Variants in CSMD3 observed in about 807,000 individuals in gnomAD.
CSMD3 encodes the protein CUB and Sushi multiple domains 3, also known as CUB and sushi domain-containing protein 3.
A neutral mutation model predicts 435.2 loss-of-function variants in CSMD3; 177 were observed. That is an observed-to-expected ratio of 0.41 (90% CI 0.36 to 0.46). The LOEUF (loss-of-function observed/expected upper bound fraction) is 0.46. Ranked by LOEUF, CSMD3 falls within the 20% of genes least tolerant of loss-of-function variation. The pLI is 0.34. For synonymous variants in CSMD3, 1,656 were observed against 1,520.5 expected, an observed-to-expected ratio of 1.09 and a Z score of -2.07; for missense variants, 4,265 against 4,504.6, an observed-to-expected ratio of 0.95 and a Z score of 1.52.
At chr8:113,220,119 C>CT (rs1269390968) in intron 3 of CSMD3, among the ~76,000 whole-genome samples, 1 of 151,404 alleles carries the variant, frequency 6.6e-6, no homozygotes. Context: ...ATAAAATACT[C>CT]TGTTAGTGAG....
intron 30 of CSMD3, among the ~76,000 whole-genome samples, chr8:112,497,150 A>T (rs1055316756): frequency 7.2e-5 from 11 of 152,138 alleles, no homozygotes; most frequent in African/African-American, 2.6e-4. Flanking sequence ...TTTGTGGGAG[A>T]TAAAAATTGA....
intron 3 of CSMD3, among the ~76,000 whole-genome samples, chr8:113,192,318 T>G (rs920745158): frequency 6.6e-6 from 1 of 151,752 alleles, no homozygotes; most frequent in African/African-American, 2.4e-5. Context: ...AGTTGTTGTT[T>G]TTTTTATATT....
intron 6 of CSMD3, among the ~76,000 whole-genome samples, chr8:112,976,913 ATTGG>A (rs2084870311): frequency 6.6e-6 from 1 of 151,738 alleles, no homozygotes; most frequent in Non-Finnish European, 1.5e-5. Flanking sequence ...AGTTTTAACA[ATTGG>A]TTGGGAATTT....
intron 22 of CSMD3, among the ~76,000 whole-genome samples, chr8:112,603,195 T>A (rs1032150744): frequency 5.9e-5 from 9 of 152,254 alleles, no homozygotes; most frequent in African/African-American, 2.2e-4. Flanking sequence ...CATTTTTTCT[T>A]GTAATGTAGT....
At chr8:112,766,866 T>G (rs1056415769) in intron 13 of CSMD3, among the ~76,000 whole-genome samples, 4 of 151,784 alleles carry the variant, frequency 2.6e-5, no homozygotes, top group Non-Finnish European at 5.9e-5. Context: ...AATGGGGGGT[T>G]TAAATCCCTG....
chr8:112,650,091 C>T (rs2075085957), intron 19 of CSMD3, 70 bp downstream of exon 19: 4 of 1,076,778 alleles, frequency 3.7e-6, no homozygotes, highest in African/African-American at 3.1e-5. Flanking sequence ...ATGTTAAACC[C>T]CATATAAAAA....
intron 20 of CSMD3, among the ~76,000 whole-genome samples, chr8:112,640,671 T>G (rs76142751): frequency 0.01 from 1,563 of 152,088 alleles, 27 homozygotes; most frequent in African/African-American, 0.036. Flanking sequence ...AAGTCAGTTT[T>G]TCAAATCTTC....
chr8:113,048,083 C>CTTTTT (rs35254619), intron 5 of CSMD3, among the ~76,000 whole-genome samples: 4 of 106,948 alleles, frequency 3.7e-5, no homozygotes, highest in South Asian at 3.2e-4. Flanking sequence ...AACTTCAATT[C>CTTTTT]TTTTTTTTTT....
At chr8:112,950,227 T>C (rs2083759449) in intron 8 of CSMD3, among the ~76,000 whole-genome samples, 1 of 151,954 alleles carries the variant, frequency 6.6e-6, no homozygotes, top group African/African-American at 2.4e-5. Context: ...TACCACCTTA[T>C]ATTTGTTATC....
At chr8:112,689,718 A>G in intron 14 of CSMD3, 150 bp downstream of exon 14, 1 of 638,826 alleles carries the variant, frequency 1.6e-6, no homozygotes, top group Non-Finnish European at 2.7e-6. Flanking sequence ...ATAATTTGGC[A>G]TAAGCACACT....
intron 8 of CSMD3, among the ~76,000 whole-genome samples, chr8:112,953,102 A>T (rs77384280): frequency 6.6e-6 from 1 of 151,532 alleles, no homozygotes; most frequent in Non-Finnish European, 1.5e-5. Flanking sequence ...GTCAAATAAC[A>T]TACGTGTAGA....
chr8:112,594,804 C>T (rs947970558), intron 22 of CSMD3, among the ~76,000 whole-genome samples: 1 of 152,084 alleles, frequency 6.6e-6, no homozygotes, highest in Admixed American at 6.5e-5. Flanking sequence ...AGCTGAGGGT[C>T]CTGTCTGTTA....
intron 24 of CSMD3, among the ~76,000 whole-genome samples, chr8:112,572,683 C>G (rs1049304131): frequency 2.0e-5 from 3 of 152,064 alleles, no homozygotes; most frequent in African/African-American, 7.2e-5. Flanking sequence ...AATGAGTGCT[C>G]TGACCTTCCA....
chr8:113,223,354 C>G (rs1449591149), intron 3 of CSMD3, among the ~76,000 whole-genome samples: 2 of 150,338 alleles, frequency 1.3e-5, no homozygotes, highest in African/African-American at 4.9e-5. Flanking sequence ...AGTGCAAGCT[C>G]TATGACTTCC....
At chr8:112,905,309 T>TAC (rs921251137) in intron 10 of CSMD3, among the ~76,000 whole-genome samples, 1 of 47,646 alleles carries the variant, frequency 2.1e-5, no homozygotes, top group East Asian at 1.3e-3. Flanking sequence ...ACTATGTGTA[T>TAC]ATATATATAT....
chr8:113,090,910 C>T (rs1259601896), intron 5 of CSMD3, among the ~76,000 whole-genome samples: 1 of 151,922 alleles, frequency 6.6e-6, no homozygotes, highest in Non-Finnish European at 1.5e-5. Context: ...CCTAACCTAC[C>T]ACCTCTCCTC....
chr8:112,935,157 C>T (rs112093705), intron 9 of CSMD3, among the ~76,000 whole-genome samples: 2,959 of 152,112 alleles, frequency 0.019, 55 homozygotes, highest in Middle Eastern at 0.051. Context: ...AAGAAAGTGT[C>T]CTTTTCTTAC....
At chr8:112,488,101 C>A (rs16883751) in intron 31 of CSMD3, among the ~76,000 whole-genome samples, 6,755 of 152,198 alleles carry the variant, frequency 0.044, 203 homozygotes, top group South Asian at 0.12. Flanking sequence ...GGACTTACCA[C>A]AGGATGCAAT....
intron 43 of CSMD3, among the ~76,000 whole-genome samples, chr8:112,337,041 T>C (rs141054329): frequency 2.0e-5 from 3 of 152,330 alleles, no homozygotes; most frequent in Admixed American, 2.0e-4. Context: ...TACTAAATAA[T>C]TGTTATTAAT....
Sources: gnomAD v4.1 joint callset for allele counts (sites outside exome capture counted in the v4.1 genomes callset) on GRCh38, gnomAD v4.1.1 for gene constraint, MANE v1.5 for transcripts, NCBI Gene and HGNC (gene_info 2026-07-23, HGNC 2026-07-21) for gene names.